Variants in ZBTB44 observed in about 807,000 individuals in gnomAD.
The protein encoded by ZBTB44 is zinc finger and BTB domain containing 44, also known as zinc finger and BTB domain-containing protein 44.
A neutral mutation model predicts 54.0 loss-of-function variants in ZBTB44; 15 were observed. That is an observed-to-expected ratio of 0.28 (90% CI 0.19 to 0.43). The LOEUF (loss-of-function observed/expected upper bound fraction) is 0.43, where lower values mean the gene tolerates loss of function less well. ZBTB44 is among the 20% of genes least tolerant of loss of function. The pLI is 1.00. For missense variants in ZBTB44, 487 were observed against 707.1 expected (o/e 0.69, Z 3.53); for synonymous variants, 230 against 250.1 (o/e 0.92, Z 0.76).
chr11:130,310,029 T>C (rs1242774961), intron 1 of ZBTB44, among the ~76,000 whole-genome samples: 1 of 152,144 alleles, frequency 6.6e-6, no homozygotes, highest in African/African-American at 2.4e-5. Flanking sequence ...AAATATGGTA[T>C]CTAGGCCTAC....
chr11:130,296,003 T>A lies in ZBTB44; in HGVS notation c.-57+18372A>T, dbSNP rs549661021. 45 of 1,560,738 alleles carry A rather than the reference T, an allele frequency of 2.9e-5. 1 individual carries two copies. In the South Asian group the frequency reaches 4.8e-4, roughly 17 times the overall value. On this transcript the variant is annotated intron_variant, in intron 1 of 7. Transcript: ENST00000357899. Reference sequence around the variant, plus strand: ...CGTCTGCTGTATCATATGCAGAATATCCCAGGGTTTATGTATAAAAACCTG... The same window carrying A: ...CGTCTGCTGTATCATATGCAGAATAACCCAGGGTTTATGTATAAAAACCTG...
At chr11:130,267,788 G>A (rs1230315834) in intron 1 of ZBTB44, among the ~76,000 whole-genome samples, 1 of 152,124 alleles carries the variant, frequency 6.6e-6, no homozygotes, top group Non-Finnish European at 1.5e-5. Flanking sequence ...TGAAGGCCGG[G>A]CGCAGTGGCT....
intron 1 of ZBTB44, among the ~76,000 whole-genome samples, chr11:130,277,001 T>C (rs1010470522): frequency 2.0e-5 from 3 of 152,222 alleles, no homozygotes; most frequent in African/African-American, 7.2e-5. Flanking sequence ...TTTATTTCCA[T>C]CCTTTTACTT....
chr11:130,300,030 CATT>C (rs1271056614), intron 1 of ZBTB44, among the ~76,000 whole-genome samples: 1 of 152,166 alleles, frequency 6.6e-6, no homozygotes, highest in Non-Finnish European at 1.5e-5. Context: ...ACCTTGAAGA[CATT>C]ATGCGAGTGA....
intron 1 of ZBTB44, among the ~76,000 whole-genome samples, chr11:130,313,907 GGTGT>G (rs59629267): frequency 5.4e-5 from 8 of 149,252 alleles, no homozygotes; most frequent in Admixed American, 6.7e-5. Flanking sequence ...AAGGAAAAGA[GGTGT>G]GTGTGTGTGT....
intron 1 of ZBTB44, among the ~76,000 whole-genome samples, chr11:130,280,245 G>A (rs1940408680): frequency 6.6e-6 from 1 of 152,074 alleles, no homozygotes; most frequent in African/African-American, 2.4e-5. Context: ...GAGACAGCAC[G>A]AGGAGAAAAA....
At chr11:130,274,327 C>T (rs1412118872) in intron 1 of ZBTB44, among the ~76,000 whole-genome samples, 1 of 152,162 alleles carries the variant, frequency 6.6e-6, no homozygotes, top group Non-Finnish European at 1.5e-5. Flanking sequence ...AGTCTTACCT[C>T]TTCCTTTCCA....
At chr11:130,258,838 G>A (rs1938632766) in intron 2 of ZBTB44, among the ~76,000 whole-genome samples, 1 of 152,132 alleles carries the variant, frequency 6.6e-6, no homozygotes, top group African/African-American at 2.4e-5. Flanking sequence ...TATACAAGTT[G>A]CCTAGGCCAC....
At chr11:130,291,428 C>T (rs1215705093) in intron 1 of ZBTB44, among the ~76,000 whole-genome samples, 4 of 152,264 alleles carry the variant, frequency 2.6e-5, no homozygotes, top group South Asian at 4.1e-4. Flanking sequence ...TGAGCCACCG[C>T]GCCCGGCCAG....
In ZBTB44 at chr11:130,283,969, C is replaced by CAAAAAAAAAAAAAAAAAAAAAAAA. The variant is rs71061377; in HGVS notation, c.-56-22064_-56-22041dup. ...TGGGTGACAGAGTAAGACTCCATCT[C>CAAAAAAAAAAAAAAAAAAAAAAAA]AAAAAAAAAAAAAAAAAAAAAAAAA... is the stretch of plus-strand genomic sequence containing the variant. On this transcript the variant is annotated intron_variant, in intron 1 of 7. Coordinates refer to ENST00000357899, the MANE Select transcript of ZBTB44 (RefSeq NM_001301098.2). 4.4e-4 allele frequency among the ~76,000 whole-genome samples: 20 copies of CAAAAAAAAAAAAAAAAAAAAAAAA among 45,176 alleles called. 2 individuals are homozygous for CAAAAAAAAAAAAAAAAAAAAAAAA. Among genetic ancestry groups the CAAAAAAAAAAAAAAAAAAAAAAAA allele is most frequent in the Admixed American group, 5.6e-4 (2 of 3,550 alleles). 29.6% of individuals were successfully genotyped at this position (45,176 alleles called of 152,430 possible).
intron 2 of ZBTB44, among the ~76,000 whole-genome samples, chr11:130,254,780 G>A (rs1266325002): frequency 6.6e-6 from 1 of 152,170 alleles, no homozygotes; most frequent in African/African-American, 2.4e-5. Context: ...GCACACGTAT[G>A]TTTATTGTGG....
At chr11:130,292,409 A>G (rs1267646282) in intron 1 of ZBTB44, among the ~76,000 whole-genome samples, 1 of 152,162 alleles carries the variant, frequency 6.6e-6, no homozygotes, top group Non-Finnish European at 1.5e-5. Context: ...GATTTTGCTC[A>G]CCCATGGGCC....
intron 1 of ZBTB44, chr11:130,296,206 T>C: frequency 2.3e-6 from 3 of 1,288,756 alleles, no homozygotes; most frequent in Non-Finnish European, 3.3e-6. Flanking sequence ...CCATTGTATG[T>C]TAGTGTTGAT....
intron 1 of ZBTB44, among the ~76,000 whole-genome samples, chr11:130,279,036 A>G (rs142393268): frequency 6.6e-6 from 1 of 152,218 alleles, no homozygotes; most frequent in East Asian, 1.9e-4. Flanking sequence ...TTTTGATAAT[A>G]TAGTATAGCA....
At chr11:130,300,315 TTA>T (rs1216321898) in intron 1 of ZBTB44, among the ~76,000 whole-genome samples, 1 of 151,902 alleles carries the variant, frequency 6.6e-6, no homozygotes, top group African/African-American at 2.4e-5. Flanking sequence ...ATGGCAAATT[TTA>T]TGTTACGTGT....
intron 1 of ZBTB44, among the ~76,000 whole-genome samples, chr11:130,270,052 C>T (rs1939557729): frequency 6.6e-6 from 1 of 152,100 alleles, no homozygotes; most frequent in African/African-American, 2.4e-5. Flanking sequence ...AACGAAGTAG[C>T]TCTTAGCATA....
chr11:130,295,445 TG>T (rs1188188081), intron 1 of ZBTB44, among the ~76,000 whole-genome samples: 1 of 151,342 alleles, frequency 6.6e-6, no homozygotes, highest in African/African-American at 2.4e-5. Flanking sequence ...AAGCAAAAAC[TG>T]AAAACAAAGA....
At chr11:130,239,475 ACAATAT>A (rs1171607587) in intron 3 of ZBTB44, 27 of 239,472 alleles carry the variant, frequency 1.1e-4, no homozygotes, top group South Asian at 8.4e-4. Context: ...CCATCCACAA[ACAATAT>A]GTCAGCAAAT....
intron 1 of ZBTB44, among the ~76,000 whole-genome samples, chr11:130,308,637 A>G (rs1942407407): frequency 1.3e-5 from 2 of 152,228 alleles, no homozygotes; most frequent in Non-Finnish European, 2.9e-5. Flanking sequence ...ACACTGTATT[A>G]GTTCATTCAG....
Sources: allele counts gnomAD v4.1 joint callset (sites outside exome capture counted in the v4.1 genomes callset), GRCh38; gene constraint gnomAD v4.1.1; transcripts MANE v1.5; gene names NCBI Gene and HGNC (gene_info 2026-07-23, HGNC 2026-07-21).